Variants in GCAT observed in about 807,000 individuals in gnomAD.
GCAT encodes glycine C-acetyltransferase, also known as 2-amino-3-ketobutyrate coenzyme A ligase, mitochondrial.
GCAT carries 26 observed loss-of-function variants against 39.7 expected under a neutral mutation model. The ratio of observed to expected loss-of-function variants is 0.65; its 90% CI spans 0.48 to 0.91. The LOEUF is 0.91. Among genes scored for constraint, GCAT ranks in the 40% least tolerant of loss-of-function variants. The pLI, the probability that GCAT is intolerant of heterozygous loss-of-function variation, is 0.00. For synonymous variants in GCAT, 218 were observed against 237.2 expected, an observed-to-expected ratio of 0.92 and a Z score of 0.74; for missense variants, 550 against 576.2, an observed-to-expected ratio of 0.95 and a Z score of 0.47.
At chr22:37,815,548 C>T (rs1199142661) in intron 6 of GCAT, 48 bp downstream of exon 6, 2 of 1,537,876 alleles carry the variant, frequency 1.3e-6, no homozygotes, top group African/African-American at 1.4e-5. Context: ...TTTTGAAGGG[C>T]CCTGGAGGGG....
chr22:37,810,781 C>T (rs1921499548), intron 2 of GCAT, among the ~76,000 whole-genome samples: 1 of 151,974 alleles, frequency 6.6e-6, no homozygotes, highest in Non-Finnish European at 1.5e-5. Context: ...TCCCAAAGTG[C>T]TGGGATTACA....
chr22:37,808,748 G>A (rs553825215), intron 1 of GCAT, among the ~76,000 whole-genome samples: 31 of 152,116 alleles, frequency 2.0e-4, no homozygotes, highest in Non-Finnish European at 3.8e-4. Flanking sequence ...GTGCAGTGGC[G>A]AGATCTCGGT....
chr22:37,813,968 G>A (rs1921890793), intron 4 of GCAT, among the ~76,000 whole-genome samples: 1 of 152,054 alleles, frequency 6.6e-6, no homozygotes, highest in Non-Finnish European at 1.5e-5. Flanking sequence ...GTTTCATCAT[G>A]TTGTCCAGGC....
At chr22:37,814,983 GC>G (rs999087239) in intron 4 of GCAT, 142 bp from the exon 5 acceptor site, 26 of 699,854 alleles carry the variant, frequency 3.7e-5, no homozygotes, top group Non-Finnish European at 5.6e-5. Flanking sequence ...GGATGTTCCA[GC>G]CCCCAAGATG....
chr22:37,812,593 G>A lies in GCAT; in HGVS notation c.328-294G>A, dbSNP rs117009985. Among the ~76,000 whole-genome samples the A allele has an allele frequency of 6.6e-3, 1,010 of 152,298 alleles. 2 individuals are homozygous for A. Among genetic ancestry groups the A allele is most frequent in the Non-Finnish European group, 0.01 (704 of 68,012 alleles). On this transcript the variant is annotated intron_variant, in intron 2 of 8. Transcript: ENST00000248924. Reference sequence around the variant, plus strand: ...GACCAAAAAAGACACTCAGTATGGTGTTAGGAAGACACATCTTTCTTCTCC... The same window carrying A: ...GACCAAAAAAGACACTCAGTATGGTATTAGGAAGACACATCTTTCTTCTCC...
chr22:37,811,374 G>A (rs1024426807), intron 2 of GCAT, among the ~76,000 whole-genome samples: 27 of 151,342 alleles, frequency 1.8e-4, no homozygotes, highest in Non-Finnish European at 5.9e-5. Flanking sequence ...GCAGCCACTT[G>A]GGAGGCTGAG....
chr22:37,816,645 A>G lies in GCAT; in HGVS notation c.1187A>G (p.His396Arg). ...ARIRVQISAV[H>R]SEEDIDRCVE... ...ATCCGGGTACAGATCTCAGCAGTGC[A>G]TAGCGAGGAAGACATTGACCGCTGC... Residue 396 changes from histidine (H) to arginine (R), a missense_variant, in exon 9 of 9, where the codon CAT (histidine) becomes CGT (arginine). This residue lies in a region of GCAT where 378 missense variants were observed against 390.4 expected (regional missense o/e 0.97). Transcript: ENST00000248924. 6.2e-7 allele frequency: 1 copy of G among 1,614,164 alleles called. No individual in the cohort carries two copies. Among genetic ancestry groups the G allele is most frequent in the African/African-American group, 1.3e-5 (1 of 75,054 alleles).
Position 37,816,849 on chromosome 22 carries a change from T to C in GCAT, c.*131T>C. 5 of 789,878 alleles carry C rather than the reference T, an allele frequency of 6.3e-6. No homozygotes were observed. The highest frequency in any genetic ancestry group is 3.4e-5 in the South Asian group (2 of 59,338). The allele number at this position is 789,878 out of a possible 1,614,324, so 48.9% of individuals were successfully genotyped here. ...CAGAGCTGGGCTGGGACGTGACCTGTGCTGAGGGCTGTGAGAATGTGAAAC... is the reference window on the plus strand; with the variant it reads ...CAGAGCTGGGCTGGGACGTGACCTGCGCTGAGGGCTGTGAGAATGTGAAAC... On this transcript the variant is annotated 3_prime_UTR_variant, in exon 9 of 9. Transcript: ENST00000248924.
In GCAT at chr22:37,815,259, G is replaced by A; in HGVS notation, c.710G>A (p.Gly237Asp). The A allele has an allele frequency of 6.2e-7, 1 of 1,613,814 alleles. No individual in the cohort carries two copies. Among genetic ancestry groups the A allele is most frequent in the African/African-American group, 1.3e-5 (1 of 75,060 alleles). ...LVFMDECHATGFLGPTGRGTD... is the reference protein window; with the variant it reads ...LVFMDECHATDFLGPTGRGTD... ...TTCATGGATGAATGCCATGCCACTG[G>A]CTTCCTGGGGCCCACAGGACGGTGG... Residue 237 changes from glycine (G) to aspartate (D), a missense_variant, in exon 5 of 9, where the codon GGC becomes GAC. Around this residue, in one of 3 missense-constraint regions of GCAT, gnomAD observed 378 missense variants for 390.4 expected, o/e 0.97. Transcript: ENST00000248924.
In GCAT at chr22:37,808,151, G is replaced by C. The variant is rs747801708; in HGVS notation, c.184G>C (p.Gly62Arg). ...TCAGGGGCCGCACATCCGCGTGGAC[G>C]GCGTCTCCGGAGGTAACGCTCCGTT... ...SRQGPHIRVD[G>R]VSGGILNFCA... The change falls in exon 1 of 9, where the codon GGC becomes CGC. Residue 62 changes from glycine (G) to arginine (R), a missense_variant. By Grantham distance (125) the Gly-to-Arg change is moderately radical. This residue lies in a region of GCAT where 154 missense variants were observed against 141.9 expected (regional missense o/e 1.08). Coordinates refer to ENST00000248924, the MANE Select transcript of GCAT (RefSeq NM_014291.4). 5 of 1,509,064 alleles carry C rather than the reference G, an allele frequency of 3.3e-6. No individual in the cohort carries two copies. The highest frequency in any genetic ancestry group is 4.4e-6 in the Non-Finnish European group (5 of 1,128,664). 93.5% of individuals were successfully genotyped at this position (1,509,064 alleles called of 1,614,324 possible).
intron 4 of GCAT, among the ~76,000 whole-genome samples, 158 bp downstream of exon 4, chr22:37,813,767 C>CTTTTTTTTTT (rs918287366): frequency 6.5e-4 from 95 of 146,132 alleles, no homozygotes; most frequent in African/African-American, 2.3e-3. Context: ...GAGCATTATT[C>CTTTTTTTTTT]TTTTTTTTTT....
chr22:37,812,787 T>C (rs1921741082), intron 2 of GCAT, 100 bp from the exon 3 acceptor site: 2 of 784,774 alleles, frequency 2.5e-6, no homozygotes, highest in African/African-American at 3.4e-5. Flanking sequence ...GCTGCAGGCT[T>C]TCTGGGTTGG....
rs774835585 is a variant in GCAT at position 37,815,775 on chromosome 22, C to G, written c.927C>G (p.Ala309=). Residue 309 remains alanine, a synonymous_variant, in exon 7 of 9, where the codon GCC becomes GCG. Transcript: ENST00000248924. The part of the protein sequence containing the change: ...PPAVVGCASK[A]LDLLMGSNTI... ...CTGTCGTTGGCTGCGCCTCCAAGGC[C>G]CTAGATCTGCTGATGGGGAGTAACA... 11 of 1,613,914 alleles carry G rather than the reference C, an allele frequency of 6.8e-6. No homozygotes were observed. In the South Asian group the frequency reaches 1.1e-4, roughly 16 times the overall value.
intron 4 of GCAT, among the ~76,000 whole-genome samples, chr22:37,814,743 G>A (rs1921973170): frequency 6.6e-6 from 1 of 152,154 alleles, no homozygotes; most frequent in Admixed American, 6.5e-5. Flanking sequence ...CAAAGTCCTG[G>A]GATTACAGGT....
chr22:37,816,724 G>A lies in GCAT; in HGVS notation c.*6G>A. The A allele has an allele frequency of 6.2e-7, 1 of 1,613,610 alleles. No individual in the cohort carries two copies. Among genetic ancestry groups the A allele is most frequent in the Non-Finnish European group, 8.5e-7 (1 of 1,179,846 alleles). ...TGCACGGGGCACTGCCCTGAGCTCT[G>A]GGTAAGGACGAGAAGAGCCAAGGTC... On this transcript the variant is annotated 3_prime_UTR_variant, in exon 9 of 9. Transcript: ENST00000248924.
chr22:37,815,320 T>G, intron 5 of GCAT, 40 bp downstream of exon 5: 1 of 1,605,794 alleles, frequency 6.2e-7, no homozygotes, highest in South Asian at 1.1e-5. Context: ...GTGGGGCTTC[T>G]GAGGGTGGCT....
rs1569083475 is a variant in GCAT, at chr22:37,815,657, TCTC to T, written c.815-5_815-3del. ...CCCCTCCCCCCACCTCTTCCCTTCT[TCTC>T]AGGGGGCTACACGACAGGGCCTGGG... On this transcript the variant is annotated splice_region_variant and splice_polypyrimidine_tract_variant and intron_variant, in intron 6 of 8. Coordinates refer to ENST00000248924, the MANE Select transcript of GCAT (RefSeq NM_014291.4). The T allele has an allele frequency of 5.6e-6, 9 of 1,606,722 alleles. No individual in the cohort carries two copies. The highest frequency in any genetic ancestry group is 7.7e-6 in the Non-Finnish European group (9 of 1,174,740).
chr22:37,816,850 G>A lies in GCAT; in HGVS notation c.*132G>A, dbSNP rs1601706141. 1 of 792,884 alleles carries A rather than the reference G, an allele frequency of 1.3e-6. No homozygotes were observed. Among genetic ancestry groups the A allele is most frequent in the Admixed American group, 2.6e-5 (1 of 38,018 alleles). The allele number at this position is 792,884 out of a possible 1,614,324, so 49.1% of individuals were successfully genotyped here. A position where few individuals can be genotyped will look rare whatever the true frequency, so the allele number is the denominator to read the frequency against. On this transcript the variant is annotated 3_prime_UTR_variant, in exon 9 of 9. Coordinates refer to ENST00000248924, the MANE Select transcript of GCAT (RefSeq NM_014291.4). The stretch of plus-strand genomic sequence containing the variant: ...AGAGCTGGGCTGGGACGTGACCTGT[G>A]CTGAGGGCTGTGAGAATGTGAAACA...
In GCAT at chr22:37,816,832, G is replaced by A. The variant is rs1024769013; in HGVS notation, c.*114G>A. On this transcript the variant is annotated 3_prime_UTR_variant, in exon 9 of 9. Coordinates refer to ENST00000248924, the MANE Select transcript of GCAT (RefSeq NM_014291.4). ...GCCCTGAACCAAAGTCCCAGAGCTG[G>A]GCTGGGACGTGACCTGTGCTGAGGG... 5.7e-6 allele frequency: 6 copies of A among 1,044,950 alleles called. No individual in the cohort carries two copies. The highest frequency in any genetic ancestry group is 4.2e-5 in the Admixed American group (2 of 47,530). The allele number at this position is 1,044,950 out of a possible 1,614,324, so 64.7% of individuals were successfully genotyped here. A position where few individuals can be genotyped will look rare whatever the true frequency, so the allele number is the denominator to read the frequency against.
Sources: allele counts gnomAD v4.1 joint callset (sites outside exome capture counted in the v4.1 genomes callset), GRCh38; gene constraint gnomAD v4.1.1; regional missense constraint gnomAD v4.1.1; transcripts MANE v1.5; gene names NCBI Gene and HGNC (gene_info 2026-07-23, HGNC 2026-07-21).